FGFR3: variants seen among roughly 807,000 people sequenced by gnomAD.
FGFR3 encodes the protein FGFR-3.
In FGFR3, 25 loss-of-function variants were observed where a neutral mutation model predicts 82.9. That is an observed-to-expected ratio of 0.30 (90% CI 0.22 to 0.42). The LOEUF is 0.42. Among genes scored for constraint, FGFR3 ranks in the 10% least tolerant of loss-of-function variants. FGFR3 has a pLI of 1.00. For synonymous variants in FGFR3, 620 were observed against 516.0 expected, an observed-to-expected ratio of 1.20 and a Z score of -2.73; for missense variants, 1,026 against 1,161.0, an observed-to-expected ratio of 0.88 and a Z score of 1.69.
chr4:1,802,865 G>T, intron 7 of FGFR3: 5 of 1,545,358 alleles, frequency 3.2e-6, no homozygotes, highest in South Asian at 1.2e-5. Flanking sequence ...CTCGTGCCCG[G>T]CGGGGCTGCC....
chr4:1,805,829 G>A lies in FGFR3; in HGVS notation c.1725G>A (p.Leu575=), dbSNP rs141422828. ...TGCGGGCGCGGCGGCCCCCGGGCCT[G>A]GACTACTCCTTCGACACCTGCAAGC... ...EFLRARRPPG[L]DYSFDTCKPP... is the part of the protein sequence containing the mutation. Residue 575 remains leucine (L), a synonymous_variant, in exon 13 of 18, where the codon CTG becomes CTA. Coordinates refer to ENST00000440486, the MANE Select transcript of FGFR3 (RefSeq NM_000142.5). The A allele has an allele frequency of 2.9e-5, 47 of 1,612,470 alleles. 1 individual carries two copies. The highest frequency in any genetic ancestry group is 4.0e-5 in the African/African-American group (3 of 74,996).
rs900761255 is a variant in FGFR3, at chr4:1,798,555, C to T, written c.110-699C>T. ...GCCCCCACCCCCGCCCCGGCCCCCT[C>T]GCGCTGCTCCGGCCTGTGCTCTGAC... On this transcript the variant is annotated intron_variant, in intron 2 of 17. Transcript: ENST00000440486. Among the ~76,000 whole-genome samples, 8 of 151,896 alleles carry T rather than the reference C, an allele frequency of 5.3e-5. No individual in the cohort carries two copies. The East Asian group carries it at 5.8e-4, about 11-fold the overall frequency.
chr4:1,804,277 G>T, intron 8 of FGFR3, 53 bp from the exon 9 acceptor site: 3 of 1,536,340 alleles, frequency 2.0e-6, no homozygotes, highest in Non-Finnish European at 1.7e-6. Flanking sequence ...GCATCCATGG[G>T]AGCCCCGTGG....
Position 1,805,935 on chromosome 4 carries a change from C to G in FGFR3, c.1831C>G (p.Gln611Glu). The G allele has an allele frequency of 6.2e-7, 1 of 1,608,238 alleles. No individual in the cohort carries two copies. The highest frequency in any genetic ancestry group is 8.5e-7 in the Non-Finnish European group (1 of 1,176,292). Residue 611 changes from glutamine to glutamate, a missense_variant, in exon 13 of 18, where the codon CAG (glutamine) becomes GAG (glutamate). By Grantham distance (29) the Gln-to-Glu change is conservative (BLOSUM62 2). Coordinates refer to ENST00000440486, the MANE Select transcript of FGFR3 (RefSeq NM_000142.5). The part of the protein sequence containing the change: ...VARGMEYLAS[Q>E]KCIHRDLAAR... The stretch of plus-strand genomic sequence containing the variant: ...CCGGGGCATGGAGTACTTGGCCTCC[C>G]AGAAGGTGGGCAGGGCGGCAGGTGT...
intron 2 of FGFR3, among the ~76,000 whole-genome samples, chr4:1,798,725 C>T (rs190154686): frequency 4.6e-5 from 7 of 152,094 alleles, no homozygotes; most frequent in African/African-American, 9.7e-5. Context: ...TGAGGACGGA[C>T]CCCTCCTGGG....
At chr4:1,803,173 C>G in intron 7 of FGFR3, 1 of 1,279,608 alleles carries the variant, frequency 7.8e-7, no homozygotes, top group South Asian at 1.9e-5. Context: ...CGCCCCGGCT[C>G]GCGCTCCACT....
chr4:1,800,998 C>T (rs1054339083), intron 4 of FGFR3, among the ~76,000 whole-genome samples: 4 of 152,186 alleles, frequency 2.6e-5, no homozygotes, highest in African/African-American at 4.8e-5. Context: ...GTAAACTGCT[C>T]CCAGGTCCTG....
At chr4:1,799,157 CT>C in intron 2 of FGFR3, 96 bp from the exon 3 acceptor site, 1 of 1,558,976 alleles carries the variant, frequency 6.4e-7, no homozygotes, top group Non-Finnish European at 8.8e-7. Flanking sequence ...GGGTCAGAGC[CT>C]TCCTCACTCA....
At chr4:1,797,479 C>G (rs916629996) in intron 2 of FGFR3, among the ~76,000 whole-genome samples, 1 of 152,208 alleles carries the variant, frequency 6.6e-6, no homozygotes, top group African/African-American at 2.4e-5. Flanking sequence ...TGTCCCCCGT[C>G]CCCCCGTGCT....
At chr4:1,796,233 G>T (rs1720494478) in intron 2 of FGFR3, among the ~76,000 whole-genome samples, 1 of 152,126 alleles carries the variant, frequency 6.6e-6, no homozygotes, top group Admixed American at 6.5e-5. Context: ...TCGAACCTCA[G>T]TTTCCTTACC....
chr4:1,800,316 C>G (rs1721034753), intron 4 of FGFR3, among the ~76,000 whole-genome samples: 2 of 152,042 alleles, frequency 1.3e-5, no homozygotes, highest in South Asian at 4.2e-4. Context: ...GCCTGGCGTC[C>G]CGGCCTGGAA....
In FGFR3 at chr4:1,804,903, C is replaced by T; in HGVS notation, c.1346C>T (p.Pro449Leu). 7 of 1,549,996 alleles carry T rather than the reference C, an allele frequency of 4.5e-6. No homozygotes were observed. The highest frequency in any genetic ancestry group is 6.1e-6 in the Non-Finnish European group (7 of 1,146,940). ...GCAAGGCTGTCCTCAGGGGAGGGCCCCACGCTGGCCAATGTCTCCGAGCTC... is the reference window on the plus strand; with the variant it reads ...GCAAGGCTGTCCTCAGGGGAGGGCCTCACGCTGGCCAATGTCTCCGAGCTC... ...RIARLSSGEG[P>L]TLANVSELEL... is the part of the protein sequence containing the mutation. The change falls in exon 10 of 18, where the codon CCC becomes CTC. Residue 449 changes from proline (P) to leucine (L), a missense_variant. Around this residue, in one of 9 missense-constraint regions of FGFR3, gnomAD observed 256 missense variants for 217.6 expected, o/e 1.18. Coordinates refer to ENST00000440486, the MANE Select transcript of FGFR3 (RefSeq NM_000142.5).
chr4:1,797,124 C>T (rs1720607450), intron 2 of FGFR3, among the ~76,000 whole-genome samples: 1 of 152,172 alleles, frequency 6.6e-6, no homozygotes, highest in Non-Finnish European at 1.5e-5. Context: ...GCACCAGTGT[C>T]TGTGTGGTGT....
chr4:1,802,077 C>T, intron 7 of FGFR3, 52 bp downstream of exon 7: 1 of 1,569,406 alleles, frequency 6.4e-7, no homozygotes, highest in Non-Finnish European at 8.7e-7. Context: ...TGGGCTGGCC[C>T]CAAGGGTGCC....
chr4:1,804,042 G>A (rs1173392189), intron 8 of FGFR3, among the ~76,000 whole-genome samples: 1 of 152,206 alleles, frequency 6.6e-6, no homozygotes, highest in Non-Finnish European at 1.5e-5. Context: ...GCCCCCTCGA[G>A]CCCACTTCCC....
In FGFR3 at chr4:1,806,590, G is replaced by A. The variant is rs1416996266; in HGVS notation, c.2075G>A (p.Gly692Asp). The A allele has an allele frequency of 1.2e-6, 2 of 1,613,104 alleles. No homozygotes were observed. The highest frequency in any genetic ancestry group is 1.7e-6 in the Non-Finnish European group (2 of 1,179,946). Residue 692 changes from glycine (G) to aspartate (D), a missense_variant, in exon 16 of 18, where the codon GGC becomes GAC. Gly to Asp is a moderately conservative substitution (Grantham distance 94, BLOSUM62 -1). Transcript: ENST00000440486. ...CTCTGGGAGATCTTCACGCTGGGGG[G>A]CTCCCCGTACCCCGGCATCCCTGTG... is the stretch of plus-strand genomic sequence containing the variant. ...VLLWEIFTLG[G>D]SPYPGIPVEE...
In FGFR3 at chr4:1,807,315, C is replaced by T. The variant is rs147471896; in HGVS notation, c.*53C>T. On this transcript the variant is annotated 3_prime_UTR_variant, in exon 18 of 18. Coordinates refer to ENST00000440486, the MANE Select transcript of FGFR3 (RefSeq NM_000142.5). ...GGGTCCCTAGCAGCCCACCCTGCTG[C>T]TGGTGCACAGCCACTCCCCGGCATG... The T allele has an allele frequency of 6.4e-7, 1 of 1,550,864 alleles. No individual in the cohort carries two copies. Among genetic ancestry groups the T allele is most frequent in the Admixed American group, 1.9e-5 (1 of 52,822 alleles).
At position 1,806,065 on chromosome 4, in the gene FGFR3, C is replaced by T. The variant is rs777376852; in HGVS notation, c.1851C>T (p.Asp617=). 3 of 1,613,584 alleles carry T rather than the reference C, an allele frequency of 1.9e-6. No homozygotes were observed. The highest frequency in any genetic ancestry group is 1.6e-4 in the Middle Eastern group (1 of 6,062). Residue 617 remains aspartate (D), a synonymous_variant, in exon 14 of 18, where the codon GAC becomes GAT. Coordinates refer to ENST00000440486, the MANE Select transcript of FGFR3 (RefSeq NM_000142.5). ...CCCTTCCCCAGTGCATCCACAGGGA[C>T]CTGGCTGCCCGCAATGTGCTGGTGA... is the stretch of plus-strand genomic sequence containing the variant. ...YLASQKCIHR[D]LAARNVLVTE... is the part of the protein sequence containing the mutation.
At chr4:1,795,751 G>A (rs1720433476) in intron 2 of FGFR3, among the ~76,000 whole-genome samples, 1 of 152,188 alleles carries the variant, frequency 6.6e-6, no homozygotes, top group Non-Finnish European at 1.5e-5. Flanking sequence ...AGGGTGCAGG[G>A]AGGTACACAA....
Sources: allele counts gnomAD v4.1 joint callset (sites outside exome capture counted in the v4.1 genomes callset), GRCh38; gene constraint gnomAD v4.1.1; regional missense constraint gnomAD v4.1.1; transcripts MANE v1.5; gene names NCBI Gene and HGNC (gene_info 2026-07-23, HGNC 2026-07-21).